The following LCA5 variants were observed in gnomAD, a reference collection of about 807,000 sequenced individuals.
LCA5 encodes the protein lebercilin LCA5.
Under a neutral mutation model 53.0 loss-of-function variants are expected in LCA5, and 37 were observed. The ratio of observed to expected loss-of-function variants is 0.70; its 90% CI spans 0.54 to 0.92. LCA5 has a LOEUF of 0.92. Ranked by LOEUF, LCA5 falls within the 40% of genes least tolerant of loss-of-function variation. The pLI, the probability that LCA5 is intolerant of heterozygous loss-of-function variation, is 0.00. For missense variants in LCA5, 806 were observed against 790.5 expected (o/e 1.02, Z -0.23); for synonymous variants, 303 against 282.9 (o/e 1.07, Z -0.71).
rs1234767665 is a variant in LCA5 at position 79,513,364 on chromosome 6, T to C, written c.568A>G (p.Lys190Glu). ...EKERATEKRV[K>E]DTESELFRTK... ...CTAAATAGTTCACTTTCTGTATCTT[T>C]TACCCTTTTCTCAGTTGCCCGTTCT... Residue 190 changes from lysine to glutamate, a missense_variant, in exon 3 of 8, where the codon AAA becomes GAA. Physicochemically the swap from Lys to Glu is moderately conservative, Grantham distance 56. Coordinates refer to ENST00000369846, the MANE Select transcript of LCA5 (RefSeq NM_001122769.3). 6.2e-7 allele frequency: 1 copy of C among 1,613,972 alleles called. No individual in the cohort carries two copies. Among genetic ancestry groups the C allele is most frequent in the South Asian group, 1.1e-5 (1 of 91,068 alleles).
At chr6:79,525,337 G>A (rs748480457) in intron 1 of LCA5, 5 of 152,162 alleles carry the variant, frequency 3.3e-5, no homozygotes, top group Non-Finnish European at 7.3e-5. Flanking sequence ...CGTTTTAGCA[G>A]ACCAGCTGGA....
At chr6:79,516,022 A>G (rs1016140784) in intron 2 of LCA5, among the ~76,000 whole-genome samples, 2 of 152,078 alleles carry the variant, frequency 1.3e-5, no homozygotes, top group African/African-American at 4.8e-5. Flanking sequence ...CTGGATTTTG[A>G]GCACTTGATT....
chr6:79,530,267 C>T (rs1037958326), intron 1 of LCA5, among the ~76,000 whole-genome samples: 1 of 151,952 alleles, frequency 6.6e-6, no homozygotes, highest in Non-Finnish European at 1.5e-5. Flanking sequence ...CAACAGAAAA[C>T]CAAATGCCAT....
rs111825224 is a variant in LCA5, at chr6:79,531,448, T to C, written c.-192+5717A>G. 3.8e-3 allele frequency among the ~76,000 whole-genome samples: 573 copies of C among 152,206 alleles called. 7 individuals are homozygous for C. The highest frequency in any genetic ancestry group is 0.013 in the African/African-American group (546 of 41,542). On this transcript the variant is annotated intron_variant, in intron 1 of 7. Coordinates refer to ENST00000369846, the MANE Select transcript of LCA5 (RefSeq NM_001122769.3). ...TGCATCTGCAACCCAATTTCTCCAC[T>C]CCAATTTTCCAATAATTTTTTGAAG...
rs147414290 is a variant in LCA5 at position 79,505,616 on chromosome 6, C to T, written c.720+7596G>A. On this transcript the variant is annotated intron_variant, in intron 3 of 7. Coordinates refer to ENST00000369846, the MANE Select transcript of LCA5 (RefSeq NM_001122769.3). ...CAACCTGGAGGTAAGGAGAACTGTA[C>T]AAACTCAGAGTTAGACAAGAACAGG... Among the ~76,000 whole-genome samples, 41 of 152,274 alleles carry T rather than the reference C, an allele frequency of 2.7e-4. No individual in the cohort carries two copies. In the East Asian group the frequency reaches 7.3e-3, roughly 27 times the overall value.
chr6:79,494,191 C>T (rs971662225), intron 3 of LCA5, among the ~76,000 whole-genome samples: 5 of 151,458 alleles, frequency 3.3e-5, no homozygotes, highest in East Asian at 1.9e-4. Context: ...TGGAAGTTTG[C>T]GCCAGTGAAA....
At chr6:79,507,366 C>G (rs1038027326) in intron 3 of LCA5, among the ~76,000 whole-genome samples, 1 of 151,918 alleles carries the variant, frequency 6.6e-6, no homozygotes, top group African/African-American at 2.4e-5. Flanking sequence ...ATTTTTATTT[C>G]AAATGTGCTA....
chr6:79,495,068 C>T (rs1200877907), intron 3 of LCA5, among the ~76,000 whole-genome samples: 9 of 152,178 alleles, frequency 5.9e-5, no homozygotes, highest in Non-Finnish European at 1.3e-4. Context: ...TGAGTGGCAG[C>T]GAGCAAGCGC....
At chr6:79,527,003 C>T (rs1766811368) in intron 1 of LCA5, among the ~76,000 whole-genome samples, 1 of 152,186 alleles carries the variant, frequency 6.6e-6, no homozygotes, top group African/African-American at 2.4e-5. Flanking sequence ...TCAAACTCCG[C>T]CTCTTAAGTT....
At chr6:79,519,561 A>G (rs2127683461) in intron 1 of LCA5, among the ~76,000 whole-genome samples, 1 of 152,096 alleles carries the variant, frequency 6.6e-6, no homozygotes, top group Admixed American at 6.5e-5. Flanking sequence ...CACTAAAAAT[A>G]CAAAAATTAG....
At chr6:79,494,283 C>A (rs555167875) in intron 3 of LCA5, among the ~76,000 whole-genome samples, 131 of 152,040 alleles carry the variant, frequency 8.6e-4, no homozygotes, top group Non-Finnish European at 1.5e-3. Context: ...AAATAAGATA[C>A]CAAGACAGAT....
intron 1 of LCA5, among the ~76,000 whole-genome samples, chr6:79,526,512 C>A (rs1159257564): frequency 6.6e-6 from 1 of 152,114 alleles, no homozygotes. Context: ...TCACTGCACT[C>A]CAGCCTGGGC....
chr6:79,504,999 T>C (rs983949207), intron 3 of LCA5, among the ~76,000 whole-genome samples: 1 of 152,208 alleles, frequency 6.6e-6, no homozygotes, highest in Non-Finnish European at 1.5e-5. Flanking sequence ...AACAATTTCT[T>C]AACAGTGACT....
chr6:79,509,554 C>T (rs959813535), intron 3 of LCA5, among the ~76,000 whole-genome samples: 2 of 151,648 alleles, frequency 1.3e-5, no homozygotes, highest in Non-Finnish European at 2.9e-5. Context: ...GATGTACCAA[C>T]CCAACTTTGA....
At chr6:79,504,520 G>A (rs1770225526) in intron 3 of LCA5, among the ~76,000 whole-genome samples, 1 of 152,186 alleles carries the variant, frequency 6.6e-6, no homozygotes, top group African/African-American at 2.4e-5. Flanking sequence ...TTACAGCTTG[G>A]TGTCTGCACT....
rs746069358 is a variant in LCA5 at position 79,487,843 on chromosome 6, T to C, written c.1255A>G (p.Lys419Glu). 1 of 1,607,950 alleles carries C rather than the reference T, an allele frequency of 6.2e-7. No individual in the cohort carries two copies. Among genetic ancestry groups the C allele is most frequent in the South Asian group, 1.1e-5 (1 of 89,054 alleles). ...AAAGATGCCTTTTCTTTTTGCTTTT[T>C]ATCAAGTTCTTCTCTTTCCCATTCT... is the stretch of plus-strand genomic sequence containing the variant. ...EDEWEREELD[K>E]KQKEKASLLE... Residue 419 changes from lysine to glutamate, a missense_variant, in exon 8 of 8, where the codon AAA becomes GAA. Coordinates refer to ENST00000369846, the MANE Select transcript of LCA5 (RefSeq NM_001122769.3).
upstream of LCA5, among the ~76,000 whole-genome samples, chr6:79,538,172 G>A (rs1381140588): frequency 1.3e-5 from 2 of 151,340 alleles, no homozygotes; most frequent in Non-Finnish European, 2.9e-5. Context: ...CCTCTTTCGT[G>A]AGGGCTTTAA....
chr6:79,487,452 T>A lies in LCA5; in HGVS notation c.1646A>T (p.Asn549Ile), dbSNP rs1278526420. ...CACGTAGCTACCAAATGCGAACTCA[T>A]TAGGGGAGGCTGGACTTCTAACATT... is the stretch of plus-strand genomic sequence containing the variant. ...SGNVRSPASP[N>I]EFAFGSYVPS... The change falls in exon 8 of 8, where the codon AAT (asparagine) becomes ATT (isoleucine). Residue 549 changes from asparagine (N) to isoleucine (I), a missense_variant. Physicochemically the swap from Asn to Ile is moderately radical, Grantham distance 149. Coordinates refer to ENST00000369846, the MANE Select transcript of LCA5 (RefSeq NM_001122769.3). The A allele has an allele frequency of 6.2e-7, 1 of 1,614,042 alleles. No homozygotes were observed. The highest frequency in any genetic ancestry group is 1.7e-5 in the Admixed American group (1 of 60,010).
chr6:79,523,559 A>C (rs1235624537), intron 1 of LCA5, among the ~76,000 whole-genome samples: 1 of 152,258 alleles, frequency 6.6e-6, no homozygotes, highest in African/African-American at 2.4e-5. Context: ...TTAGCAATTC[A>C]AACACATATG....
Sources: gnomAD v4.1 joint callset for allele counts (sites outside exome capture counted in the v4.1 genomes callset) on GRCh38, gnomAD v4.1.1 for gene constraint, MANE v1.5 for transcripts, NCBI Gene and HGNC (gene_info 2026-07-23, HGNC 2026-07-21) for gene names.